The following SV2C variants were observed in gnomAD, a reference collection of about 807,000 sequenced individuals.
SV2C encodes the protein solute carrier family 22 member B3.
Under a neutral mutation model 79.7 loss-of-function variants are expected in SV2C, and 49 were observed. The observed-to-expected ratio is 0.61, with a 90% CI of 0.49 to 0.78. SV2C has a LOEUF of 0.78. SV2C is among the 30% of genes least tolerant of loss of function. SV2C has a pLI of 0.00. For missense variants in SV2C, 833 were observed against 912.9 expected (o/e 0.91, Z 1.13); for synonymous variants, 334 against 333.2 (o/e 1.00, Z -0.03).
chr5:76,219,524 C>A (rs1432675204), intron 4 of SV2C, among the ~76,000 whole-genome samples: 1 of 152,200 alleles, frequency 6.6e-6, no homozygotes, highest in Non-Finnish European at 1.5e-5. Context: ...TTGTTCATGG[C>A]ACCCAGAAGC....
chr5:76,203,755 A>G (rs1219357997), intron 3 of SV2C, among the ~76,000 whole-genome samples: 1 of 152,222 alleles, frequency 6.6e-6, no homozygotes, highest in Non-Finnish European at 1.5e-5. Context: ...TCTACTCATT[A>G]TTCTATTCAT....
At chr5:76,049,323 CGAAAAAAAAAAAAAA>C in the SV2C span, among the ~76,000 whole-genome samples, 1 of 87,976 alleles carries the variant, frequency 1.1e-5, no homozygotes, top group Non-Finnish European at 2.0e-5. Context: ...GGTGACAGAG[CGAAAAAAAAAAAAAA>C]GAAAAAAAAA....
At chr5:75,899,085 T>C in the SV2C span, among the ~76,000 whole-genome samples, 4 of 152,124 alleles carry the variant, frequency 2.6e-5, no homozygotes, top group African/African-American at 9.7e-5. Context: ...CTGCTCTGAT[T>C]TTAGTTATTT....
the SV2C span, among the ~76,000 whole-genome samples, chr5:75,974,917 A>G: frequency 6.6e-6 from 1 of 152,170 alleles, no homozygotes; most frequent in Non-Finnish European, 1.5e-5. Flanking sequence ...AGGCTTTGAA[A>G]AAACTTGTCA....
At chr5:76,336,471 C>T (rs947434835), downstream of SV2C, among the ~76,000 whole-genome samples, 3 of 152,026 alleles carry the variant, frequency 2.0e-5, no homozygotes, top group Non-Finnish European at 4.4e-5. Flanking sequence ...CAGAGACGCT[C>T]CCCACTTCCC....
intron 2 of SV2C, among the ~76,000 whole-genome samples, chr5:76,187,062 G>A (rs1018372234): frequency 2.6e-5 from 4 of 152,202 alleles, no homozygotes; most frequent in African/African-American, 9.7e-5. Context: ...TCCCATTGGT[G>A]TTAAACTGAT....
At chr5:75,907,639 C>G in the SV2C span, among the ~76,000 whole-genome samples, 4 of 152,244 alleles carry the variant, frequency 2.6e-5, no homozygotes, top group East Asian at 7.7e-4. Context: ...TGGGTTTGTG[C>G]AGAAATGTCA....
intron 12 of SV2C, among the ~76,000 whole-genome samples, chr5:76,346,252 G>A (rs1248064504): frequency 3.9e-5 from 6 of 152,160 alleles, no homozygotes; most frequent in East Asian, 3.8e-4. Context: ...ATCAGGAGGC[G>A]ATACATTCTG....
the SV2C span, among the ~76,000 whole-genome samples, chr5:76,049,027 A>AAAGAAAGAAAGAAAGAAAG: frequency 5.8e-4 from 24 of 41,120 alleles, 2 homozygotes; most frequent in South Asian, 5.2e-3. Context: ...AAGAAAGAAA[A>AAAGAAAGAAAGAAAGAAAG]AGAAAAGAGG....
the SV2C span, among the ~76,000 whole-genome samples, chr5:76,019,407 G>A: frequency 1.5e-4 from 23 of 152,152 alleles, no homozygotes; most frequent in Admixed American, 5.9e-4. Flanking sequence ...CTTTTGAGAA[G>A]AGGAGTAAAA....
chr5:76,205,683 C>A (rs1301325095), intron 3 of SV2C, among the ~76,000 whole-genome samples: 2 of 152,194 alleles, frequency 1.3e-5, no homozygotes, highest in African/African-American at 4.8e-5. Context: ...TGTTGCCCAT[C>A]AGTTAATGTA....
At chr5:76,024,938 C>T in the SV2C span, among the ~76,000 whole-genome samples, 3 of 152,138 alleles carry the variant, frequency 2.0e-5, no homozygotes, top group East Asian at 5.8e-4. Context: ...GGAGAAGTGG[C>T]CTGCTCCAAG....
chr5:76,047,663 A>G, the SV2C span, among the ~76,000 whole-genome samples: 1 of 152,306 alleles, frequency 6.6e-6, no homozygotes, highest in Non-Finnish European at 1.5e-5. Flanking sequence ...CTAGACAGTA[A>G]ACTCCTTGAA....
chr5:76,319,522 C>T (rs1748754934), intron 12 of SV2C, among the ~76,000 whole-genome samples: 1 of 152,186 alleles, frequency 6.6e-6, no homozygotes, highest in South Asian at 2.1e-4. Context: ...TTCTTGAATG[C>T]CGACACTAAT....
At chr5:75,939,507 T>C in the SV2C span, among the ~76,000 whole-genome samples, 1 of 152,060 alleles carries the variant, frequency 6.6e-6, no homozygotes, top group Non-Finnish European at 1.5e-5. Context: ...ATCATAGTGT[T>C]AGGGCTTCAA....
the SV2C span, among the ~76,000 whole-genome samples, chr5:75,858,188 T>A: frequency 2.0e-5 from 3 of 152,212 alleles, no homozygotes; most frequent in Non-Finnish European, 4.4e-5. Flanking sequence ...ATTCCAGGTC[T>A]TACTGGAAAA....
chr5:76,031,244 G>A, the SV2C span, among the ~76,000 whole-genome samples: 1 of 152,174 alleles, frequency 6.6e-6, no homozygotes, highest in African/African-American at 2.4e-5. Context: ...AGTGTCAGTG[G>A]GCATGTTGCC....
chr5:75,997,597 T>C, the SV2C span, among the ~76,000 whole-genome samples: 1 of 152,120 alleles, frequency 6.6e-6, no homozygotes, highest in Non-Finnish European at 1.5e-5. Flanking sequence ...AAAATGCTCA[T>C]CATCACTGGC....
chr5:76,021,706 G>C, the SV2C span, among the ~76,000 whole-genome samples: 21 of 152,164 alleles, frequency 1.4e-4, no homozygotes, highest in Non-Finnish European at 2.6e-4. Flanking sequence ...TCCTGGAAAA[G>C]TCATTTTATA....
Sources: allele counts gnomAD v4.1 joint callset (sites outside exome capture counted in the v4.1 genomes callset), GRCh38; gene constraint gnomAD v4.1.1; transcripts MANE v1.5; gene names NCBI Gene and HGNC (gene_info 2026-07-23, HGNC 2026-07-21).